Variants in TAFA2 observed in about 807,000 individuals in gnomAD.
The protein encoded by TAFA2 is chemokine-like protein TAFA-2.
In TAFA2, 7 loss-of-function variants were observed where a neutral mutation model predicts 18.8. That is an observed-to-expected ratio of 0.37 (90% confidence interval 0.21 to 0.70). The LOEUF is 0.70. Among genes scored for constraint, TAFA2 ranks in the 30% least tolerant of loss-of-function variants. The pLI is 0.53. For synonymous variants in TAFA2, 60 were observed against 54.2 expected (o/e 1.11, Z -0.47); for missense variants, 122 against 158.1 (o/e 0.77, Z 1.23).
rs115613664 is a variant in TAFA2, at chr12:61,880,880, C to T, written c.-1-13454G>A. 6.0e-3 allele frequency: 1,143 copies of T among 190,488 alleles called. 11 individuals are homozygous for T. Among genetic ancestry groups the T allele is most frequent in the African/African-American group, 0.026 (1,083 of 42,184 alleles). 11.8% of individuals were successfully genotyped at this position (190,488 alleles called of 1,614,324 possible). ...CAGGGAACAGGAGACCCACCTGAGA[C>T]TCAGCCCTAGCCCTCAGCCCACCCG... On this transcript the variant is annotated intron_variant, in intron 1 of 4. Transcript: ENST00000416284.
At chr12:61,737,225 G>A (rs1251667034) in intron 4 of TAFA2, among the ~76,000 whole-genome samples, 3 of 151,712 alleles carry the variant, frequency 2.0e-5, no homozygotes, top group East Asian at 1.9e-4. Flanking sequence ...GTTTACCAAC[G>A]AGATTTTTTA....
chr12:61,953,206 GA>G (rs1013360933), intron 1 of TAFA2, among the ~76,000 whole-genome samples: 3 of 151,652 alleles, frequency 2.0e-5, no homozygotes, highest in African/African-American at 7.3e-5. Flanking sequence ...ACTTTCCAAA[GA>G]AAAAAACTGA....
chr12:62,084,789 A>G (rs764925568), intron 1 of TAFA2, among the ~76,000 whole-genome samples: 2 of 152,186 alleles, frequency 1.3e-5, no homozygotes, highest in Non-Finnish European at 2.9e-5. Context: ...ATATGCATTC[A>G]GCAGAACTAT....
At chr12:62,183,549 G>T (rs1166759401) in intron 1 of TAFA2, among the ~76,000 whole-genome samples, 1 of 151,978 alleles carries the variant, frequency 6.6e-6, no homozygotes, top group African/African-American at 2.4e-5. Context: ...ATGCCCGGCT[G>T]ATTTTTGTAT....
intron 4 of TAFA2, among the ~76,000 whole-genome samples, chr12:61,733,382 C>CAAGG: frequency 6.6e-6 from 1 of 152,054 alleles, no homozygotes; most frequent in Non-Finnish European, 1.5e-5. Flanking sequence ...CCCAGGTTTT[C>CAAGG]TTCTAGGGTT....
chr12:61,910,114 G>A (rs895513726), intron 1 of TAFA2, among the ~76,000 whole-genome samples: 1 of 151,258 alleles, frequency 6.6e-6, no homozygotes, highest in African/African-American at 2.4e-5. Context: ...GTGTGTGTGT[G>A]TGTGTGTGTG....
chr12:61,835,499 T>C (rs1473883822), intron 2 of TAFA2, among the ~76,000 whole-genome samples: 1 of 151,992 alleles, frequency 6.6e-6, no homozygotes, highest in Non-Finnish European at 1.5e-5. Context: ...TAGTACCCAA[T>C]AGGTAGTTTG....
chr12:62,013,362 C>T (rs1880830927), intron 1 of TAFA2, among the ~76,000 whole-genome samples: 1 of 152,158 alleles, frequency 6.6e-6, no homozygotes, highest in East Asian at 1.9e-4. Context: ...TCAAGTAGAA[C>T]ACAATTTTCC....
chr12:61,975,243 T>C (rs1879387740), intron 1 of TAFA2, among the ~76,000 whole-genome samples: 1 of 151,710 alleles, frequency 6.6e-6, no homozygotes, highest in Admixed American at 6.6e-5. Context: ...TCTAGACATA[T>C]TCATCTGATA....
intron 1 of TAFA2, among the ~76,000 whole-genome samples, chr12:62,132,323 G>A (rs1870723328): frequency 6.6e-6 from 1 of 151,354 alleles, no homozygotes; most frequent in Admixed American, 6.6e-5. Flanking sequence ...TGAGTTTCCA[G>A]GAGACACTGA....
At chr12:62,003,751 T>C (rs944899600) in intron 1 of TAFA2, among the ~76,000 whole-genome samples, 4 of 152,228 alleles carry the variant, frequency 2.6e-5, no homozygotes, top group Non-Finnish European at 5.9e-5. Flanking sequence ...TTCTCTTATA[T>C]ATTCCAAGTA....
chr12:62,181,999 C>G (rs570520606), intron 1 of TAFA2, among the ~76,000 whole-genome samples: 12 of 150,282 alleles, frequency 8.0e-5, no homozygotes, highest in African/African-American at 2.2e-4. Flanking sequence ...ATCCCCCCCC[C>G]GCTACACATA....
At chr12:62,166,365 G>T (rs1316448545) in intron 1 of TAFA2, among the ~76,000 whole-genome samples, 1 of 152,142 alleles carries the variant, frequency 6.6e-6, no homozygotes, top group Non-Finnish European at 1.5e-5. Flanking sequence ...AAAATTACAT[G>T]TAGTTTTAGC....
chr12:61,768,310 G>A (rs1355606404), intron 2 of TAFA2, among the ~76,000 whole-genome samples: 1 of 152,130 alleles, frequency 6.6e-6, no homozygotes, highest in Non-Finnish European at 1.5e-5. Context: ...ATGGTGAAAA[G>A]TAGGTAGAAC....
chr12:61,746,172 A>T (rs921944492), intron 4 of TAFA2, among the ~76,000 whole-genome samples: 3 of 152,062 alleles, frequency 2.0e-5, no homozygotes, highest in Non-Finnish European at 2.9e-5. Flanking sequence ...TGCTGTTCTC[A>T]TGATAGTGAG....
At chr12:61,979,794 A>G (rs1282818665) in intron 1 of TAFA2, among the ~76,000 whole-genome samples, 2 of 152,088 alleles carry the variant, frequency 1.3e-5, no homozygotes, top group Non-Finnish European at 2.9e-5. Flanking sequence ...ATCCATCACT[A>G]CAGTAAAGAT....
chr12:61,972,217 T>C (rs1879273322), intron 1 of TAFA2, among the ~76,000 whole-genome samples: 1 of 151,276 alleles, frequency 6.6e-6, no homozygotes, highest in East Asian at 2.0e-4. Flanking sequence ...CCTCACTTTA[T>C]ACCATACACT....
chr12:61,729,327 A>T (rs777764658), intron 4 of TAFA2, among the ~76,000 whole-genome samples: 1 of 151,926 alleles, frequency 6.6e-6, no homozygotes, highest in Non-Finnish European at 1.5e-5. Context: ...TAAGTTTTCT[A>T]AAGTTTTAGA....
intron 2 of TAFA2, among the ~76,000 whole-genome samples, chr12:61,829,757 C>T (rs1401456927): frequency 6.6e-6 from 1 of 151,510 alleles, no homozygotes; most frequent in Non-Finnish European, 1.5e-5. Context: ...TAATGCTAAT[C>T]TCTGTAGGAT....
Sources: allele counts gnomAD v4.1 joint callset (sites outside exome capture counted in the v4.1 genomes callset), GRCh38; gene constraint gnomAD v4.1.1; transcripts MANE v1.5; gene names NCBI Gene and HGNC (gene_info 2026-07-23, HGNC 2026-07-21).